The following AHI1 variants were observed in gnomAD, a reference collection of about 807,000 sequenced individuals.
AHI1 encodes jouberin.
A neutral mutation model predicts 149.3 loss-of-function variants in AHI1; 123 were observed. The observed-to-expected ratio is 0.82, with a 90% CI of 0.71 to 0.96. AHI1 has a LOEUF of 0.96. Ranked by LOEUF, AHI1 falls within the 40% of genes least tolerant of loss-of-function variation. The pLI, the probability that AHI1 is intolerant of heterozygous loss-of-function variation, is 0.00. For missense variants in AHI1, 1,439 were observed against 1,422.7 expected (o/e 1.01, Z -0.18); for synonymous variants, 475 against 459.8 (o/e 1.03, Z -0.42).
chr6:135,322,566 C>T (rs531156049), intron 25 of AHI1, among the ~76,000 whole-genome samples: 1 of 152,146 alleles, frequency 6.6e-6, no homozygotes, highest in African/African-American at 2.4e-5. Flanking sequence ...AAGGTTCATA[C>T]AGTCTTGTCA....
intron 24 of AHI1, among the ~76,000 whole-genome samples, chr6:135,340,836 T>C (rs1790259061): frequency 1.3e-5 from 2 of 151,070 alleles, no homozygotes; most frequent in South Asian, 4.2e-4. Flanking sequence ...AGAAGGGAAA[T>C]GAACTATCTT....
At chr6:135,414,099 C>T (rs1050601657) in intron 20 of AHI1, among the ~76,000 whole-genome samples, 1 of 152,144 alleles carries the variant, frequency 6.6e-6, no homozygotes, top group Admixed American at 6.6e-5. Context: ...CAGTAATCCA[C>T]ACAGTTTGCT....
At position 135,314,498 on chromosome 6, in the gene AHI1, G is replaced by C. The variant is rs77454044; in HGVS notation, c.3426+4021C>G. ...AGCATTTTCCTAAATTCTTAAATCT[G>C]CTGCTGAATTACAAACAATGGGTAA... On this transcript the variant is annotated intron_variant, in intron 26 of 28. Transcript: ENST00000265602. 3.0e-3 allele frequency among the ~76,000 whole-genome samples: 458 copies of C among 152,286 alleles called. 27 individuals carry two copies. In the East Asian group the frequency reaches 0.084, roughly 28 times the overall value.
intron 23 of AHI1, among the ~76,000 whole-genome samples, chr6:135,385,596 T>A (rs1777464934): frequency 6.6e-6 from 1 of 152,192 alleles, no homozygotes; most frequent in African/African-American, 2.4e-5. Flanking sequence ...GAAACATCTG[T>A]CTGAAAACAT....
intron 23 of AHI1, among the ~76,000 whole-genome samples, chr6:135,381,185 A>AG (rs1776716274): frequency 6.6e-6 from 1 of 152,278 alleles, no homozygotes; most frequent in Non-Finnish European, 1.5e-5. Flanking sequence ...CTACTGAAGA[A>AG]GGGAAAAAAA....
chr6:135,341,012 T>C (rs1011014592), intron 24 of AHI1, among the ~76,000 whole-genome samples: 9 of 151,908 alleles, frequency 5.9e-5, no homozygotes, highest in Middle Eastern at 3.4e-3. Flanking sequence ...ACTAATTTAA[T>C]GCCCAAAAGT....
At chr6:135,416,971 T>C (rs138700253) in intron 20 of AHI1, among the ~76,000 whole-genome samples, 1 of 152,174 alleles carries the variant, frequency 6.6e-6, no homozygotes, top group African/African-American at 2.4e-5. Flanking sequence ...TCATTACACA[T>C]TTTGAACTTT....
chr6:135,433,993 T>A (rs1376264720), intron 15 of AHI1, among the ~76,000 whole-genome samples: 2 of 152,060 alleles, frequency 1.3e-5, no homozygotes, highest in Non-Finnish European at 2.9e-5. Flanking sequence ...ATACTCTGCA[T>A]TTCTAACAAT....
Position 135,285,516 on chromosome 6 carries a change from G to T in AHI1, c.*129C>A. 2.0e-6 allele frequency: 2 copies of T among 982,824 alleles called. No individual in the cohort carries two copies. The highest frequency in any genetic ancestry group is 2.1e-5 in the Admixed American group (1 of 48,366). 60.9% of individuals were successfully genotyped at this position (982,824 alleles called of 1,614,324 possible). On this transcript the variant is annotated 3_prime_UTR_variant, in exon 29 of 29. Transcript: ENST00000265602. ...CTGATTTTTCTAGAGTCATTCATAA[G>T]AACAAGAAGTAGTGGATCCTTTCTT...
At chr6:135,446,793 C>T (rs1453326623) in intron 13 of AHI1, among the ~76,000 whole-genome samples, 2 of 152,100 alleles carry the variant, frequency 1.3e-5, no homozygotes, top group East Asian at 3.8e-4. Context: ...TACAATTGCC[C>T]AAGTGCCCAA....
rs1787137620 is a variant in AHI1, at chr6:135,323,195, C to A, written c.3295G>T (p.Gly1099Cys). ...WYGSIGKGQE[G>C]YFPANHVASE... is the part of the protein sequence containing the mutation. ...GCCACATGATTAGCTGGAAAATAAC[C>A]TTCCTGTCCCTTTCCTATGCTGCCA... The change falls in exon 25 of 29, where the codon GGT becomes TGT. Residue 1099 changes from glycine to cysteine, a missense_variant. Transcript: ENST00000265602. 1.9e-6 allele frequency: 3 copies of A among 1,612,174 alleles called. No homozygotes were observed. The South Asian group carries it at 3.3e-5, about 18-fold the overall frequency.
rs10646107 is a variant in AHI1 at position 135,292,109 on chromosome 6, T to TACACACACAC, written c.3486-1594_3486-1585dup. Among the ~76,000 whole-genome samples the TACACACACAC allele has an allele frequency of 3.8e-4, 56 of 148,332 alleles. No individual in the cohort carries two copies. The East Asian group carries it at 4.3e-3, about 11-fold the overall frequency. On this transcript the variant is annotated intron_variant, in intron 27 of 28. Transcript: ENST00000265602. Reference sequence around the variant, plus strand: ...ATATGTAAATATCTGGGCAGCTAATTACACACACACACACACACACACACA... The same window carrying TACACACACAC: ...ATATGTAAATATCTGGGCAGCTAATTACACACACACACACACACACACACACACACACACA...
chr6:135,460,262 C>A (rs975187066), intron 8 of AHI1, among the ~76,000 whole-genome samples: 4 of 152,128 alleles, frequency 2.6e-5, no homozygotes, highest in Non-Finnish European at 5.9e-5. Flanking sequence ...ATTTTAAATA[C>A]ATTTCTACAT....
chr6:135,385,301 G>C lies in AHI1; in HGVS notation c.3109+9475C>G, dbSNP rs191883063. Among the ~76,000 whole-genome samples, 532 of 152,104 alleles carry C rather than the reference G, an allele frequency of 3.5e-3. 6 individuals carry two copies. The highest frequency in any genetic ancestry group is 0.012 in the African/African-American group (513 of 41,480). Reference sequence around the variant, plus strand: ...GTGGGCATATATAGGGAATAAAACAGGGTCAAATTGCAGTGAAACCATCTT... The same window carrying C: ...GTGGGCATATATAGGGAATAAAACACGGTCAAATTGCAGTGAAACCATCTT... On this transcript the variant is annotated intron_variant, in intron 23 of 28. Transcript: ENST00000265602.
Position 135,457,580 on chromosome 6 carries a change from A to C in AHI1, c.1065T>G (p.Leu355=). The C allele has an allele frequency of 1.2e-6, 2 of 1,614,002 alleles. No homozygotes were observed. Among genetic ancestry groups the C allele is most frequent in the Middle Eastern group, 1.6e-4 (1 of 6,062 alleles). Reference sequence around the variant, plus strand: ...GGTGAGAAATCATAAAATCTGACTTAAGTCTATCAGTTCGGTGAATGTAAA... The same window carrying C: ...GGTGAGAAATCATAAAATCTGACTTCAGTCTATCAGTTCGGTGAATGTAAA... ...LGVYIHRTDR[L]KSDFMISHPM... Residue 355 remains leucine (L), a synonymous_variant, in exon 9 of 29, where the codon CTT becomes CTG. Transcript: ENST00000265602.
intron 24 of AHI1, among the ~76,000 whole-genome samples, chr6:135,337,999 T>C (rs911119906): frequency 2.0e-5 from 3 of 151,978 alleles, no homozygotes; most frequent in African/African-American, 4.8e-5. Context: ...TGAAGAAGCA[T>C]AGTAGAAAAC....
intron 16 of AHI1, 27 bp downstream of exon 16, chr6:135,432,999 TG>T: frequency 6.5e-7 from 1 of 1,542,920 alleles, no homozygotes; most frequent in Non-Finnish European, 9.0e-7. Flanking sequence ...TTCACATAGC[TG>T]GTCTTCATTC....
At chr6:135,313,194 T>A (rs1020264485) in intron 26 of AHI1, among the ~76,000 whole-genome samples, 1 of 152,212 alleles carries the variant, frequency 6.6e-6, no homozygotes, top group African/African-American at 2.4e-5. Context: ...TCCATAAACA[T>A]AGATCATTTG....
intron 24 of AHI1, among the ~76,000 whole-genome samples, chr6:135,326,422 T>C (rs1257664651): frequency 6.6e-6 from 1 of 152,198 alleles, no homozygotes; most frequent in African/African-American, 2.4e-5. Flanking sequence ...AAATTTCTTC[T>C]TCTTCTTCTT....
Sources: gnomAD v4.1 joint callset for allele counts (sites outside exome capture counted in the v4.1 genomes callset) on GRCh38, gnomAD v4.1.1 for gene constraint, MANE v1.5 for transcripts, NCBI Gene and HGNC (gene_info 2026-07-23, HGNC 2026-07-21) for gene names.